The following ABCG8 variants were observed in gnomAD, a reference collection of about 807,000 sequenced individuals.
ABCG8 encodes the protein ATP-binding cassette sub-family G member 8.
Under a neutral mutation model 71.3 loss-of-function variants are expected in ABCG8, and 81 were observed. The observed-to-expected ratio is 1.14, with a 90% confidence interval of 0.95 to 1.37. ABCG8 has a LOEUF of 1.37. Among genes scored for constraint, ABCG8 ranks in the 40% most tolerant of loss-of-function variants. The pLI, the probability that ABCG8 is intolerant of heterozygous loss-of-function variation, is 0.00. For synonymous variants in ABCG8, 451 were observed against 354.7 expected (o/e 1.27, Z -3.05); for missense variants, 1,119 against 866.2 (o/e 1.29, Z -3.66).
intron 3 of ABCG8, 56 bp downstream of exon 3, chr2:43,846,367 C>A: frequency 6.2e-7 from 1 of 1,611,008 alleles, no homozygotes; most frequent in South Asian, 1.1e-5. Flanking sequence ...ACAGAATGGT[C>A]CTTTGGACAA....
intron 3 of ABCG8, among the ~76,000 whole-genome samples, chr2:43,850,909 CAAA>C (rs1164206598): frequency 5.2e-5 from 3 of 57,486 alleles, no homozygotes. Flanking sequence ...GACTCTGTCT[CAAA>C]AAAAAAAAAA....
rs577493246 is a variant in ABCG8, at chr2:43,851,666, T to C, written c.405T>C (p.Asn135=). The C allele has an allele frequency of 4.3e-6, 7 of 1,614,240 alleles. No homozygotes were observed. Among genetic ancestry groups the C allele is most frequent in the African/African-American group, 2.7e-5 (2 of 75,064 alleles). Reference sequence around the variant, plus strand: ...TCAAGTCAGGCCAGATCTGGATCAATGGGCAGCCCAGCTCGCCTCAGCTGG... The same window carrying C: ...TCAAGTCAGGCCAGATCTGGATCAACGGGCAGCCCAGCTCGCCTCAGCTGG... ...GKIKSGQIWI[N]GQPSSPQLVR... Residue 135 remains asparagine (N), a synonymous_variant, in exon 4 of 13, where the codon AAT becomes AAC. Coordinates refer to ENST00000272286, the MANE Select transcript of ABCG8 (RefSeq NM_022437.3).
At chr2:43,854,986 G>C (rs1425616576) in intron 6 of ABCG8, among the ~76,000 whole-genome samples, 1 of 152,216 alleles carries the variant, frequency 6.6e-6, no homozygotes, top group African/African-American at 2.4e-5. Flanking sequence ...AGCCGACCAA[G>C]GGGTCAGTGA....
intron 6 of ABCG8, among the ~76,000 whole-genome samples, chr2:43,854,826 G>A (rs1287607751): frequency 1.3e-5 from 2 of 152,120 alleles, no homozygotes; most frequent in African/African-American, 4.8e-5. Context: ...CAGGGCCTTG[G>A]AGGTAGAAGG....
At chr2:43,863,902 G>A (rs1159555209) in intron 6 of ABCG8, among the ~76,000 whole-genome samples, 2 of 149,218 alleles carry the variant, frequency 1.3e-5, no homozygotes, top group Non-Finnish European at 3.0e-5. Context: ...ATTTGTCTAG[G>A]TAGAATTTTC....
intron 8 of ABCG8, 126 bp from the exon 9 acceptor site, chr2:43,873,661 G>A: frequency 1.1e-6 from 1 of 898,334 alleles, no homozygotes; most frequent in Non-Finnish European, 1.8e-6. Flanking sequence ...GCCACTCTAT[G>A]AGGCAGGTAT....
At chr2:43,858,718 C>T in intron 6 of ABCG8, among the ~76,000 whole-genome samples, 1 of 145,812 alleles carries the variant, frequency 6.9e-6, no homozygotes, top group Non-Finnish European at 1.5e-5. Flanking sequence ...GGATAGAATT[C>T]TCACCGTCTG....
chr2:43,841,694 G>A (rs1284827075), intron 1 of ABCG8, among the ~76,000 whole-genome samples: 1 of 152,064 alleles, frequency 6.6e-6, no homozygotes, highest in Non-Finnish European at 1.5e-5. Context: ...CAAGCAACCA[G>A]GCACCTCTCC....
chr2:43,852,435 G>T lies in ABCG8; in HGVS notation c.643G>T (p.Gly215Trp). The T allele has an allele frequency of 6.2e-7, 1 of 1,612,862 alleles. No individual in the cohort carries two copies. The highest frequency in any genetic ancestry group is 8.5e-7 in the Non-Finnish European group (1 of 1,180,006). Residue 215 changes from glycine to tryptophan, a missense_variant, in exon 5 of 13, where the codon GGG becomes TGG. Coordinates refer to ENST00000272286, the MANE Select transcript of ABCG8 (RefSeq NM_022437.3). ...VGNMYVRGLS[G>W]GERRRVSIGV... The stretch of plus-strand genomic sequence containing the variant: ...CAACATGTACGTGCGGGGGTTGTCG[G>T]GGGGTGAGCGCAGGAGAGTCAGCAT...
intron 6 of ABCG8, among the ~76,000 whole-genome samples, chr2:43,865,529 G>C (rs201321616): frequency 1.4e-5 from 2 of 139,112 alleles, no homozygotes; most frequent in Admixed American, 1.4e-4. Context: ...ATAGAACTCT[G>C]ACTATCTATC....
rs1005302617 is a variant in ABCG8, at chr2:43,877,816, C to G, written c.1925C>G (p.Ala642Gly). Residue 642 changes from alanine (A) to glycine (G), a missense_variant, in exon 13 of 13, where the codon GCC (alanine) becomes GGC (glycine). Physicochemically the swap from Ala to Gly is moderately conservative, Grantham distance 60 (BLOSUM62 0). Transcript: ENST00000272286. Reference protein sequence around the residue: ...VMELDSYPLYAIYLIVIGLSG... With the variant: ...VMELDSYPLYGIYLIVIGLSG... ...GAGCTGGACTCGTACCCTCTCTACG[C>G]CATCTACCTCATCGTCATTGGCCTC... is the stretch of plus-strand genomic sequence containing the variant. 6.2e-7 allele frequency: 1 copy of G among 1,614,072 alleles called. No homozygotes were observed. The highest frequency in any genetic ancestry group is 1.3e-5 in the African/African-American group (1 of 74,898).
At position 43,852,606 on chromosome 2, in the gene ABCG8, T is replaced by C. The variant is rs1025227490; in HGVS notation, c.702T>C (p.Leu234=). ...CCTCTCTGTGTTGGAAAGGAATCCT[T>C]ATTCTCGACGAACCCACCTCTGGGC... ...GVQLLWNPGI[L]ILDEPTSGLD... is the part of the protein sequence containing the mutation. Residue 234 remains leucine (L), a synonymous_variant, in exon 6 of 13, where the codon CTT becomes CTC. Coordinates refer to ENST00000272286, the MANE Select transcript of ABCG8 (RefSeq NM_022437.3). 1.2e-6 allele frequency: 2 copies of C among 1,614,094 alleles called. No homozygotes were observed. Among genetic ancestry groups the C allele is most frequent in the Non-Finnish European group, 1.7e-6 (2 of 1,179,996 alleles).
intron 3 of ABCG8, among the ~76,000 whole-genome samples, chr2:43,849,803 G>T (rs955415461): frequency 2.0e-5 from 3 of 152,132 alleles, no homozygotes; most frequent in African/African-American, 7.2e-5. Flanking sequence ...GATCTTAAAT[G>T]AGGTACACCC....
rs986018546 is a variant in ABCG8 at position 43,846,479 on chromosome 2, G to C, written c.322+168G>C. The C allele has an allele frequency of 6.0e-6, 6 of 999,588 alleles. No individual in the cohort carries two copies. In the African/African-American group the frequency reaches 8.0e-5, roughly 13 times the overall value. The allele number at this position is 999,588 out of a possible 1,614,324, so 61.9% of individuals were successfully genotyped here. On this transcript the variant is annotated intron_variant, in intron 3 of 12. Coordinates refer to ENST00000272286, the MANE Select transcript of ABCG8 (RefSeq NM_022437.3). ...CAGACAGACCTGGGCTCAAATCCTGGCTCCTCCATTTGCTGGCTTGAGGGT... is the reference window on the plus strand; with the variant it reads ...CAGACAGACCTGGGCTCAAATCCTGCCTCCTCCATTTGCTGGCTTGAGGGT...
In ABCG8 at chr2:43,846,221, C is replaced by A. The variant is rs574980884; in HGVS notation, c.232C>A (p.Pro78Thr). ...LAQFKMPWTS[P>T]SCQNSCELGI... ...TCAGTTCAAGATGCCCTGGACATCT[C>A]CCAGCTGCCAGAATTCTTGTGAGCT... Residue 78 changes from proline (P) to threonine (T), a missense_variant, in exon 3 of 13, where the codon CCC becomes ACC. Transcript: ENST00000272286. 1.2e-6 allele frequency: 2 copies of A among 1,614,010 alleles called. No individual in the cohort carries two copies. Among genetic ancestry groups the A allele is most frequent in the African/African-American group, 2.7e-5 (2 of 74,916 alleles).
At position 43,851,040 on chromosome 2, in the gene ABCG8, A is replaced by G. The variant is rs79204129; in HGVS notation, c.323-544A>G. Among the ~76,000 whole-genome samples the G allele has an allele frequency of 7.1e-3, 1,080 of 152,166 alleles. 3 individuals carry two copies. Among genetic ancestry groups the G allele is most frequent in the Non-Finnish European group, 0.011 (769 of 67,986 alleles). Reference sequence around the variant, plus strand: ...TTGTTTCCACTTCTATTATTTCTCTATTTTTTTCTCCATTATTTCTCAAAA... The same window carrying G: ...TTGTTTCCACTTCTATTATTTCTCTGTTTTTTTCTCCATTATTTCTCAAAA... On this transcript the variant is annotated intron_variant, in intron 3 of 12. Coordinates refer to ENST00000272286, the MANE Select transcript of ABCG8 (RefSeq NM_022437.3).
chr2:43,861,034 C>G (rs1293091176), intron 6 of ABCG8, among the ~76,000 whole-genome samples: 1 of 151,234 alleles, frequency 6.6e-6, no homozygotes, highest in Non-Finnish European at 1.5e-5. Context: ...CACTATCTAT[C>G]GGGATAGAAT....
rs1553384687 is a variant in ABCG8, at chr2:43,877,795, T to C, written c.1904T>C (p.Leu635Pro). The change falls in exon 13 of 13, where the codon CTG becomes CCG. Residue 635 changes from leucine to proline, a missense_variant. Transcript: ENST00000272286. ...SGDKILSVME[L>P]DSYPLYAIYL... ...CTCCAGATCCTCAGTGTCATGGAGC[T>C]GGACTCGTACCCTCTCTACGCCATC... 1 of 1,614,180 alleles carries C rather than the reference T, an allele frequency of 6.2e-7. No individual in the cohort carries two copies. Among genetic ancestry groups the C allele is most frequent in the Non-Finnish European group, 8.5e-7 (1 of 1,180,018 alleles).
chr2:43,844,210 C>T (rs1171221996), intron 1 of ABCG8, among the ~76,000 whole-genome samples: 3 of 152,136 alleles, frequency 2.0e-5, no homozygotes, highest in Non-Finnish European at 4.4e-5. Context: ...GTCTGGGTCT[C>T]TTTACCAGAA....
Sources: gnomAD v4.1 joint callset for allele counts (sites outside exome capture counted in the v4.1 genomes callset) on GRCh38, gnomAD v4.1.1 for gene constraint, MANE v1.5 for transcripts, NCBI Gene and HGNC (gene_info 2026-07-23, HGNC 2026-07-21) for gene names.